Variants in AK3 observed in about 807,000 individuals in gnomAD.
AK3 encodes the protein GTP:AMP phosphotransferase AK3, mitochondrial.
Under a neutral mutation model 23.7 loss-of-function variants are expected in AK3, and 27 were observed. The ratio of observed to expected loss-of-function variants is 1.14; its 90% CI spans 0.84 to 1.57. The LOEUF (loss-of-function observed/expected upper bound fraction) is 1.57, where lower values mean the gene tolerates loss of function less well. AK3 is among the 40% of genes most tolerant of loss of function. The pLI is 0.00. For missense variants in AK3, 406 were observed against 285.6 expected, an observed-to-expected ratio of 1.42 and a Z score of -3.04; for synonymous variants, 159 against 116.0, an observed-to-expected ratio of 1.37 and a Z score of -2.38.
chr9:4,735,408 AATATATATACATATATAAAT>A, intron 1 of AK3, among the ~76,000 whole-genome samples: 1 of 77,330 alleles, frequency 1.3e-5, no homozygotes, highest in Non-Finnish European at 2.4e-5. Context: ...TACATATATA[AATATATATACATATATAAAT>A]ATATATATAC....
intron 4 of AK3, among the ~76,000 whole-genome samples, 194 bp from the exon 5 acceptor site, chr9:4,713,290 G>C (rs1315931321): frequency 6.6e-6 from 1 of 152,000 alleles, no homozygotes; most frequent in Admixed American, 6.6e-5. Context: ...GTGCTCTCTG[G>C]CTTACAAAAA....
chr9:4,737,744 G>C (rs1382009303), intron 1 of AK3, among the ~76,000 whole-genome samples: 1 of 152,078 alleles, frequency 6.6e-6, no homozygotes, highest in Non-Finnish European at 1.5e-5. Context: ...CAATAAAAGA[G>C]AGGACTGGAC....
chr9:4,721,554 G>C (rs112588612), intron 2 of AK3, among the ~76,000 whole-genome samples: 2 of 150,742 alleles, frequency 1.3e-5, no homozygotes, highest in African/African-American at 4.9e-5. Flanking sequence ...CTGCCTCCCA[G>C]TTCAAGCAAT....
chr9:4,741,130 G>C lies in AK3; in HGVS notation c.-43C>G. 1 of 1,420,572 alleles carries C rather than the reference G, an allele frequency of 7.0e-7. No individual in the cohort carries two copies. The highest frequency in any genetic ancestry group is 3.0e-5 in the East Asian group (1 of 33,354). 88.0% of individuals were successfully genotyped at this position (1,420,572 alleles called of 1,614,324 possible). On this transcript the variant is annotated 5_prime_UTR_variant, in exon 1 of 5. Coordinates refer to ENST00000381809, the MANE Select transcript of AK3 (RefSeq NM_016282.4). ...CGCACCGCGCGGGTACCAGGGCTTT[G>C]GCCTGGCCTGCGCGCTCACCCGCTC...
intron 1 of AK3, 116 bp downstream of exon 1, chr9:4,740,821 C>G: frequency 8.0e-7 from 1 of 1,249,430 alleles, no homozygotes. Flanking sequence ...TCCCGGGCGG[C>G]GGGAGGGAAA....
chr9:4,736,472 CAAA>C lies in AK3; in HGVS notation c.151+4462_151+4464del, dbSNP rs34296493. On this transcript the variant is annotated intron_variant, in intron 1 of 4. Coordinates refer to ENST00000381809, the MANE Select transcript of AK3 (RefSeq NM_016282.4). ...TTACAAATTAAATGTTTTACCATTCCAAAAAAAAAAAAAAACAACTCCGCTTTG... is the reference window on the plus strand; with the variant it reads ...TTACAAATTAAATGTTTTACCATTCCAAAAAAAAAAAACAACTCCGCTTTG... Among the ~76,000 whole-genome samples, 601 of 81,296 alleles carry C rather than the reference CAAA, an allele frequency of 7.4e-3. 5 individuals are homozygous for C. The highest frequency in any genetic ancestry group is 0.023 in the African/African-American group (576 of 24,536). The allele number at this position is 81,296 out of a possible 152,430, so 53.3% of individuals were successfully genotyped here. A position where few individuals can be genotyped will look rare whatever the true frequency, so the allele number is the denominator to read the frequency against.
chr9:4,714,143 TACACACCTCCACATAC>T lies in AK3; in HGVS notation c.564-1063_564-1048del, dbSNP rs1349229065. ...CTCCACATATACACACCTACACATA[TACACACCTCCACATAC>T]ACACACCTCCACACATACGCCTCCA... On this transcript the variant is annotated intron_variant, in intron 4 of 4. Transcript: ENST00000381809. Among the ~76,000 whole-genome samples the T allele has an allele frequency of 1.8e-3, 29 of 16,116 alleles. 2 individuals are homozygous for T. Among genetic ancestry groups the T allele is most frequent in the Non-Finnish European group, 2.9e-3 (20 of 6,830 alleles). 10.6% of individuals were successfully genotyped at this position (16,116 alleles called of 152,430 possible). A position where few individuals can be genotyped will look rare whatever the true frequency, so the allele number is the denominator to read the frequency against.
intron 1 of AK3, among the ~76,000 whole-genome samples, chr9:4,729,682 A>G (rs993114309): frequency 1.3e-5 from 2 of 151,856 alleles, no homozygotes; most frequent in African/African-American, 2.4e-5. Context: ...TAAAAAAAAT[A>G]CGGGCATGGT....
chr9:4,713,966 A>ACACATATACACG (rs1841634422), intron 4 of AK3, among the ~76,000 whole-genome samples: 2 of 10,296 alleles, frequency 1.9e-4, no homozygotes, highest in African/African-American at 2.6e-4. Context: ...ACATATACAC[A>ACACATATACACG]CCTCCACATT....
At chr9:4,719,392 AAAAG>A in intron 2 of AK3, 85 bp from the exon 3 acceptor site, 1 of 1,107,654 alleles carries the variant, frequency 9.0e-7, no homozygotes, top group Non-Finnish European at 1.2e-6. Flanking sequence ...AGAAGAAAGA[AAAAG>A]AAAGAATTAA....
chr9:4,722,436 A>C (rs993789454), intron 2 of AK3, 70 bp downstream of exon 2: 51 of 1,607,484 alleles, frequency 3.2e-5, no homozygotes, highest in Non-Finnish European at 4.2e-5. Flanking sequence ...TCTGAAGCCC[A>C]TGAAATGCTC....
At chr9:4,720,626 G>A (rs1258663348) in intron 2 of AK3, among the ~76,000 whole-genome samples, 1 of 150,080 alleles carries the variant, frequency 6.7e-6, no homozygotes, top group African/African-American at 2.5e-5. Context: ...GGAGGTCAAG[G>A]CTGCAATAAG....
chr9:4,741,392 T>A (rs1340577563), upstream of AK3: 2 of 271,932 alleles, frequency 7.4e-6, no homozygotes, highest in Non-Finnish European at 1.4e-5. Context: ...GCCGCCCAGC[T>A]CCCACCTGCG....
chr9:4,724,583 A>T (rs1038330473), intron 1 of AK3, among the ~76,000 whole-genome samples: 5 of 152,208 alleles, frequency 3.3e-5, no homozygotes, highest in Admixed American at 6.5e-5. Context: ...GTTTGAGACC[A>T]GCTTAGGCAA....
intron 1 of AK3, among the ~76,000 whole-genome samples, chr9:4,725,827 C>T (rs755471292): frequency 4.6e-5 from 7 of 152,138 alleles, no homozygotes; most frequent in Non-Finnish European, 8.8e-5. Flanking sequence ...GATCAACGTC[C>T]TTAATCATTA....
At chr9:4,737,813 G>C (rs1043679759) in intron 1 of AK3, among the ~76,000 whole-genome samples, 1 of 152,200 alleles carries the variant, frequency 6.6e-6, no homozygotes, top group Admixed American at 6.5e-5. Flanking sequence ...ATGACCTACA[G>C]TTATTCCAGC....
intron 1 of AK3, among the ~76,000 whole-genome samples, chr9:4,738,190 A>T (rs1842341050): frequency 6.6e-6 from 1 of 152,140 alleles, no homozygotes; most frequent in Non-Finnish European, 1.5e-5. Flanking sequence ...TTTGAGACAG[A>T]GTTCCGCTCT....
chr9:4,714,260 G>A (rs1334818880), intron 4 of AK3, among the ~76,000 whole-genome samples: 3 of 92,510 alleles, frequency 3.2e-5, no homozygotes, highest in Non-Finnish European at 7.6e-5. Context: ...ACTGCATAAG[G>A]ACAACCTAAG....
At chr9:4,741,291 C>T (rs965806305), upstream of AK3, 1 of 465,682 alleles carries the variant, frequency 2.1e-6, no homozygotes, top group Non-Finnish European at 3.5e-6. Context: ...CGCCTCTCGG[C>T]TACCCCGGCG....
Sources: gnomAD v4.1 joint callset for allele counts (sites outside exome capture counted in the v4.1 genomes callset) on GRCh38, gnomAD v4.1.1 for gene constraint, MANE v1.5 for transcripts, NCBI Gene and HGNC (gene_info 2026-07-23, HGNC 2026-07-21) for gene names.